Variants in RBM5 observed in about 807,000 individuals in gnomAD.
RBM5 encodes the protein RNA binding motif protein 5, also known as RNA-binding protein 5.
RBM5 carries 15 observed loss-of-function variants against 124.6 expected under a neutral mutation model. The ratio of observed to expected loss-of-function variants is 0.12; its 90% CI spans 0.08 to 0.19. The LOEUF (loss-of-function observed/expected upper bound fraction) is 0.19, where lower values mean the gene tolerates loss of function less well. Ranked by LOEUF, RBM5 falls within the 10% of genes least tolerant of loss-of-function variation. RBM5 has a pLI of 1.00. For synonymous variants in RBM5, 337 were observed against 361.2 expected, an observed-to-expected ratio of 0.93 and a Z score of 0.76; for missense variants, 580 against 1,026.5, an observed-to-expected ratio of 0.57 and a Z score of 5.94.
At chr3:50,094,944 C>T (rs1313242507) in intron 4 of RBM5, among the ~76,000 whole-genome samples, 1 of 152,120 alleles carries the variant, frequency 6.6e-6, no homozygotes, top group Admixed American at 6.6e-5. Flanking sequence ...TGCCTGTAAT[C>T]CCAGGCACTT....
chr3:50,092,663 C>A, intron 3 of RBM5: 1 of 434,094 alleles, frequency 2.3e-6, no homozygotes, highest in Non-Finnish European at 4.7e-6. Flanking sequence ...GGTCTCAGTA[C>A]AACCTGATAA....
intron 16 of RBM5, 52 bp downstream of exon 16, chr3:50,110,515 C>T (rs983455011): frequency 1.3e-6 from 2 of 1,557,704 alleles, no homozygotes; most frequent in African/African-American, 1.4e-5. Flanking sequence ...TAGTTGTTGT[C>T]TTTGTTTAAT....
chr3:50,093,657 T>G (rs2090750930), intron 3 of RBM5, 63 bp from the exon 4 acceptor site: 1 of 1,498,482 alleles, frequency 6.7e-7, no homozygotes, highest in Non-Finnish European at 9.2e-7. Context: ...TTTCTAGGAG[T>G]GGAGGGTCTG....
At position 50,114,160 on chromosome 3, in the gene RBM5, G is replaced by T. The variant is rs778298903; in HGVS notation, c.1768-20G>T. 6.2e-7 allele frequency: 1 copy of T among 1,614,102 alleles called. No individual in the cohort carries two copies. The highest frequency in any genetic ancestry group is 8.5e-7 in the Non-Finnish European group (1 of 1,180,020). ...ACTTACCTAAAACTTGAGTCTCATG[G>T]CTTGTCCTCTGTTTCCCAGGGAGCC... On this transcript the variant is annotated intron_variant, in intron 19 of 24. Coordinates refer to ENST00000347869, the MANE Select transcript of RBM5 (RefSeq NM_005778.4).
intron 8 of RBM5, chr3:50,104,630 A>ATGTTT (rs1183767703): frequency 3.5e-6 from 1 of 286,458 alleles, no homozygotes; most frequent in African/African-American, 2.2e-5. Flanking sequence ...GCAACAAACA[A>ATGTTT]GACCCTGCCT....
chr3:50,116,938 TG>T, intron 22 of RBM5, 135 bp from the exon 23 acceptor site: 2 of 722,636 alleles, frequency 2.8e-6, no homozygotes, highest in South Asian at 3.5e-5. Flanking sequence ...CAAGGGAATT[TG>T]GTATTTCAGA....
chr3:50,104,130 C>T (rs965962787), intron 7 of RBM5, 118 bp from the exon 8 acceptor site: 42 of 783,238 alleles, frequency 5.4e-5, no homozygotes, highest in Admixed American at 6.6e-5. Flanking sequence ...GTCTCAGCTA[C>T]GTGAGACTTT....
chr3:50,107,164 C>A, intron 11 of RBM5: 1 of 649,966 alleles, frequency 1.5e-6, no homozygotes. Flanking sequence ...CAGAAATAAC[C>A]CATTCCTTCC....
chr3:50,105,306 C>CAA (rs1307088935), intron 9 of RBM5, among the ~76,000 whole-genome samples, 164 bp downstream of exon 9: 4 of 135,054 alleles, frequency 3.0e-5, no homozygotes, highest in Non-Finnish European at 1.6e-5. Flanking sequence ...TACTCCGTCT[C>CAA]AAAAAAAAAA....
intron 22 of RBM5, 128 bp downstream of exon 22, chr3:50,116,108 A>G: frequency 1.2e-6 from 1 of 858,916 alleles, no homozygotes; most frequent in Non-Finnish European, 1.9e-6. Context: ...TCATCTGACC[A>G]TTGTAGTTCA....
At chr3:50,104,470 C>T (rs2090995707) in intron 8 of RBM5, 162 bp downstream of exon 8, 1 of 656,176 alleles carries the variant, frequency 1.5e-6, no homozygotes, top group African/African-American at 1.8e-5. Context: ...AAGACCCTGC[C>T]TGTACAAAAA....
intron 4 of RBM5, chr3:50,099,697 CAA>C (rs879899576): frequency 3.5e-3 from 462 of 133,694 alleles, no homozygotes; most frequent in South Asian, 8.9e-3. Flanking sequence ...GACTCCGTCT[CAA>C]AAAAAAAAAA....
chr3:50,116,552 T>TC (rs1480170581), intron 22 of RBM5: 2 of 172,920 alleles, frequency 1.2e-5, no homozygotes, highest in Non-Finnish European at 1.3e-5. Flanking sequence ...GGGTTTGAAA[T>TC]CTCCCACCTG....
chr3:50,115,045 G>A (rs1194185916), intron 20 of RBM5: 1 of 185,438 alleles, frequency 5.4e-6, no homozygotes, highest in Admixed American at 6.3e-5. Flanking sequence ...ACAAGCGCCT[G>A]TAATCCCAGC....
chr3:50,100,386 G>A lies in RBM5; in HGVS notation c.410-146G>A, dbSNP rs879007536. 4.3e-5 allele frequency: 29 copies of A among 681,732 alleles called. No homozygotes were observed. In the South Asian group the frequency reaches 6.3e-4, roughly 15 times the overall value. The allele number at this position is 681,732 out of a possible 1,614,324, so 42.2% of individuals were successfully genotyped here. On this transcript the variant is annotated intron_variant, in intron 5 of 24. Transcript: ENST00000347869. This position sits in a 1 kb window ranked among gnomAD's most constrained non-coding sequence, Gnocchi z 5.1. ...GTTCCTTGCCATGGCAAAGTATCAA[G>A]AAGATCCCCAAGTCAAGTCACATTT...
In RBM5 at chr3:50,093,789, CACG is replaced by C. The variant is rs767572155; in HGVS notation, c.256_258del (p.Asp86del). 1.2e-6 allele frequency: 2 copies of C among 1,613,994 alleles called. No homozygotes were observed. Among genetic ancestry groups the C allele is most frequent in the Non-Finnish European group, 8.5e-7 (1 of 1,179,932 alleles). ...CCATTCAGATGGTGACTATGGTGAG[CACG>C]ACTATAGGCATGACATCAGTGACGA... On this transcript the variant is annotated inframe_deletion, in exon 4 of 25. Transcript: ENST00000347869.
intron 2 of RBM5, among the ~76,000 whole-genome samples, chr3:50,090,953 G>A (rs2240326): frequency 0.49 from 74,350 of 152,094 alleles, 19,561 homozygotes; most frequent in East Asian, 0.86. Context: ...GAGAAGCTTG[G>A]GACTGTGTGT....
chr3:50,091,898 A>C, intron 2 of RBM5, 145 bp from the exon 3 acceptor site: 1 of 839,348 alleles, frequency 1.2e-6, no homozygotes, highest in South Asian at 1.4e-5. Flanking sequence ...ATCTTAGTAA[A>C]CTGGAATTTG....
chr3:50,092,118 A>C lies in RBM5; in HGVS notation c.93A>C (p.Arg31=). ...DRDDRDERES[R]SRRRDSDYKR... The stretch of plus-strand genomic sequence containing the variant: ...ATGACCGTGATGAGCGTGAATCCCG[A>C]AGCAGGCGGAGGGACTCAGATTACA... Residue 31 remains arginine (R), a synonymous_variant, in exon 3 of 25, where the codon CGA becomes CGC. Transcript: ENST00000347869. 6.2e-7 allele frequency: 1 copy of C among 1,614,064 alleles called. No homozygotes were observed. The highest frequency in any genetic ancestry group is 8.5e-7 in the Non-Finnish European group (1 of 1,179,950).
Sources: allele counts gnomAD v4.1 joint callset (sites outside exome capture counted in the v4.1 genomes callset), GRCh38; gene constraint gnomAD v4.1.1; non-coding constraint Gnocchi (gnomAD v3.1); transcripts MANE v1.5; gene names NCBI Gene and HGNC (gene_info 2026-07-23, HGNC 2026-07-21).